PITPNB: variants seen among roughly 807,000 people sequenced by gnomAD.
PITPNB encodes the protein phosphatidylinositol transfer protein beta isoform.
PITPNB carries 16 observed loss-of-function variants against 45.9 expected under a neutral mutation model. That is an observed-to-expected ratio of 0.35 (90% CI 0.24 to 0.53). PITPNB has a LOEUF of 0.53. PITPNB is among the 20% of genes least tolerant of loss of function. PITPNB has a pLI of 0.93. For missense variants in PITPNB, 188 were observed against 330.5 expected, an observed-to-expected ratio of 0.57 and a Z score of 3.34; for synonymous variants, 112 against 108.9, an observed-to-expected ratio of 1.03 and a Z score of -0.18.
At chr22:27,857,759 GAA>G (rs1934213716) in intron 10 of PITPNB, among the ~76,000 whole-genome samples, 1 of 152,194 alleles carries the variant, frequency 6.6e-6, no homozygotes, top group South Asian at 2.1e-4. Flanking sequence ...CGAGGAGAGA[GAA>G]GACACCCACT....
chr22:27,892,148 T>C (rs1016495), intron 7 of PITPNB, among the ~76,000 whole-genome samples: 32,997 of 152,116 alleles, frequency 0.22, 4,175 homozygotes, highest in African/African-American at 0.33. Context: ...GCATGTGCAG[T>C]GCCTTCCACC....
chr22:27,875,808 C>G (rs531494480), intron 7 of PITPNB, among the ~76,000 whole-genome samples: 2 of 152,252 alleles, frequency 1.3e-5, no homozygotes, highest in East Asian at 3.9e-4. Flanking sequence ...AGAACTAACA[C>G]AGTTCTGGCT....
chr22:27,907,056 T>C (rs537862807), intron 3 of PITPNB, among the ~76,000 whole-genome samples: 1 of 152,328 alleles, frequency 6.6e-6, no homozygotes, highest in East Asian at 1.9e-4. Flanking sequence ...TTGGTGGCCT[T>C]AGTCAAGTTT....
In PITPNB at chr22:27,919,071, C is replaced by G; in HGVS notation, c.20+101G>C. 3 of 1,587,776 alleles carry G rather than the reference C, an allele frequency of 1.9e-6. No individual in the cohort carries two copies. The East Asian group carries it at 6.7e-5, about 35-fold the overall frequency. ...GGGCGCCCGCAGGGAGGGGCTGACA[C>G]AGGGCTGACTCCGATTTAGGAATAT... On this transcript the variant is annotated intron_variant, in intron 1 of 11. Transcript: ENST00000335272.
At chr22:27,869,721 A>C (rs1402688385) in intron 8 of PITPNB, among the ~76,000 whole-genome samples, 1 of 152,206 alleles carries the variant, frequency 6.6e-6, no homozygotes, top group African/African-American at 2.4e-5. Flanking sequence ...TTATAACAAT[A>C]ACGGTTAACA....
chr22:27,867,628 C>T (rs1267878886), intron 8 of PITPNB, among the ~76,000 whole-genome samples: 1 of 152,186 alleles, frequency 6.6e-6, no homozygotes, highest in Non-Finnish European at 1.5e-5. Context: ...TGGGTGATTA[C>T]TCCAGGAGTG....
intron 8 of PITPNB, among the ~76,000 whole-genome samples, chr22:27,870,514 T>C (rs1246482295): frequency 6.6e-6 from 1 of 152,126 alleles, no homozygotes; most frequent in Non-Finnish European, 1.5e-5. Flanking sequence ...AGAGAGAGAC[T>C]GTGGAACTAC....
chr22:27,871,322 C>T (rs1390863383), intron 8 of PITPNB, among the ~76,000 whole-genome samples: 1 of 152,168 alleles, frequency 6.6e-6, no homozygotes, highest in Admixed American at 6.5e-5. Flanking sequence ...TAAAGCCCAC[C>T]ACATAATGTA....
rs560827854 is a variant in PITPNB at position 27,906,702 on chromosome 22, A to G, written c.197+4262T>C. On this transcript the variant is annotated intron_variant, in intron 3 of 11. Coordinates refer to ENST00000335272, the MANE Select transcript of PITPNB (RefSeq NM_012399.5). ...AGTGACCAGCACACAGTAAAAATAC[A>G]TAAGTACTAGATCTGTTCAGAATTA... is the stretch of plus-strand genomic sequence containing the variant. Among the ~76,000 whole-genome samples the G allele has an allele frequency of 1.3e-4, 20 of 152,356 alleles. No homozygotes were observed. In the South Asian group the frequency reaches 2.1e-3, roughly 16 times the overall value.
chr22:27,858,539 A>G, intron 9 of PITPNB, 30 bp from the exon 10 acceptor site: 4 of 1,579,992 alleles, frequency 2.5e-6, no homozygotes, highest in Non-Finnish European at 3.5e-6. Context: ...AAAGTAGCAT[A>G]AGATGACAAA....
At chr22:27,862,605 T>A (rs565142921) in intron 8 of PITPNB, among the ~76,000 whole-genome samples, 8 of 152,290 alleles carry the variant, frequency 5.3e-5, no homozygotes, top group African/African-American at 1.9e-4. Context: ...TCCATGACGT[T>A]TCCCCCTTAA....
Position 27,854,936 on chromosome 22 carries a change from G to A in PITPNB, c.772C>T (p.Arg258Cys). 4.3e-6 allele frequency: 7 copies of A among 1,611,272 alleles called. No homozygotes were observed. Among genetic ancestry groups the A allele is most frequent in the Admixed American group, 1.7e-5 (1 of 60,000 alleles). ...DETQKELETM[R>C]KRGSVRGTSA... ...GTGCCTCGAACGGAACCCCTCTTAC[G>A]CATCTAAACGTAAAATAAAATTGTG... The change falls in exon 11 of 12, where the codon CGT (arginine) becomes TGT (cysteine). Residue 258 changes from arginine to cysteine, a missense_variant. Arg to Cys is a radical substitution (Grantham distance 180). Coordinates refer to ENST00000335272, the MANE Select transcript of PITPNB (RefSeq NM_012399.5).
At chr22:27,918,609 CAGCGGAGCTGCCCAGGAG>C (rs1222456050) in intron 1 of PITPNB, among the ~76,000 whole-genome samples, 2 of 152,254 alleles carry the variant, frequency 1.3e-5, no homozygotes, top group Non-Finnish European at 2.9e-5. Flanking sequence ...CCCGTCAAGT[CAGCGGAGCTGCCCAGGAG>C]AGCGGAGGCT....
chr22:27,887,067 T>C (rs1360603131), intron 7 of PITPNB, among the ~76,000 whole-genome samples: 1 of 152,154 alleles, frequency 6.6e-6, no homozygotes, highest in Non-Finnish European at 1.5e-5. Flanking sequence ...CACCAACACA[T>C]TCATTTAAGG....
chr22:27,862,281 G>A (rs556561659), intron 8 of PITPNB, among the ~76,000 whole-genome samples: 1 of 152,236 alleles, frequency 6.6e-6, no homozygotes, highest in African/African-American at 2.4e-5. Context: ...TATGACTGAA[G>A]CACCAGACTA....
chr22:27,860,281 A>G (rs1382177039), intron 8 of PITPNB, 40 bp from the exon 9 acceptor site: 1 of 1,222,076 alleles, frequency 8.2e-7, no homozygotes, highest in Non-Finnish European at 1.2e-6. Flanking sequence ...TATGACTTAA[A>G]TATTTATGTT....
chr22:27,856,526 A>G (rs573756069), intron 10 of PITPNB, among the ~76,000 whole-genome samples: 1 of 152,224 alleles, frequency 6.6e-6, no homozygotes, highest in Non-Finnish European at 1.5e-5. Context: ...ATCTCAGTCA[A>G]GTTCTGTCCA....
chr22:27,890,591 G>T (rs1194948819), intron 7 of PITPNB, among the ~76,000 whole-genome samples: 1 of 152,112 alleles, frequency 6.6e-6, no homozygotes, highest in Non-Finnish European at 1.5e-5. Flanking sequence ...GAAGCAGGAG[G>T]ATCACAAGGT....
intron 8 of PITPNB, among the ~76,000 whole-genome samples, chr22:27,861,582 A>G (rs1040224081): frequency 1.3e-5 from 2 of 152,220 alleles, no homozygotes; most frequent in African/African-American, 2.4e-5. Flanking sequence ...ACAGGTTCAC[A>G]GCAGTGAGCA....
Sources: allele counts gnomAD v4.1 joint callset (sites outside exome capture counted in the v4.1 genomes callset), GRCh38; gene constraint gnomAD v4.1.1; transcripts MANE v1.5; gene names NCBI Gene and HGNC (gene_info 2026-07-23, HGNC 2026-07-21).